Variants in CLEC12A observed in about 807,000 individuals in gnomAD.
The protein encoded by CLEC12A is C-type lectin domain family 12 member A, also known as C-type lectin protein CLL-1.
In CLEC12A, 22 loss-of-function variants were observed where a neutral mutation model predicts 26.5. The observed-to-expected ratio is 0.83, with a 90% CI of 0.59 to 1.19. CLEC12A has a LOEUF of 1.19. CLEC12A is among the 50% of genes most tolerant of loss of function. The pLI is 0.00. For synonymous variants in CLEC12A, 119 were observed against 101.9 expected (o/e 1.17, Z -1.01); for missense variants, 353 against 315.6 (o/e 1.12, Z -0.90).
chr12:9,998,025 C>T (rs1865093494), downstream of CLEC12A, among the ~76,000 whole-genome samples: 3 of 152,158 alleles, frequency 2.0e-5, no homozygotes, highest in Admixed American at 2.0e-4. Context: ...TTTGGATCCA[C>T]ACTGAGGAGG....
exon 5 of CLEC12A, chr12:9,995,453 T>C (rs995879887): frequency 1.9e-6 from 1 of 513,274 alleles, no homozygotes; most frequent in African/African-American, 1.9e-5. Flanking sequence ...GGTAAAATTG[T>C]ACACAAAATA....
chr12:10,000,764 G>C, the CLEC12A span, among the ~76,000 whole-genome samples: 140 of 152,262 alleles, frequency 9.2e-4, no homozygotes, highest in Non-Finnish European at 1.6e-3. Flanking sequence ...ATTGGGGTTG[G>C]AATGGGGTTT....
chr12:9,984,055 G>A (rs2137205873), intron 5 of CLEC12A: 1 of 296,904 alleles, frequency 3.4e-6, no homozygotes, highest in Non-Finnish European at 6.7e-6. Flanking sequence ...GATATTTTCA[G>A]TTATCAAAAA....
intron 5 of CLEC12A, chr12:9,984,319 T>C (rs971312140): frequency 7.9e-5 from 12 of 152,388 alleles, no homozygotes; most frequent in African/African-American, 2.9e-4. Context: ...AAAGGTAATA[T>C]TTTTAATTTA....
chr12:9,996,865 A>G (rs377295548), downstream of CLEC12A: 44 of 1,614,090 alleles, frequency 2.7e-5, no homozygotes, highest in African/African-American at 4.3e-4. Context: ...CCGGTTGTCA[A>G]TCTTCAGGAG....
At chr12:9,986,963 A>C (rs1189275103), downstream of CLEC12A, among the ~76,000 whole-genome samples, 1 of 152,234 alleles carries the variant, frequency 6.6e-6, no homozygotes, top group Non-Finnish European at 1.5e-5. Context: ...CTTTTATTTT[A>C]AAAGATGCTT....
In CLEC12A at chr12:9,979,033, G is replaced by A. The variant is rs1373182176; in HGVS notation, c.159G>A (p.Leu53=). The change falls in exon 2 of 6, where the codon TTG becomes TTA. Residue 53 remains leucine (L), a synonymous_variant. Coordinates refer to ENST00000304361, the MANE Select transcript of CLEC12A (RefSeq NM_138337.6). ...ALFLTLLCLL[L]LIGLGVLASM... Reference sequence around the variant, plus strand: ...TTCTGACTCTTCTGTGCCTTCTGTTGCTCATTGGATTGGGAGTCTTGGCAA... The same window carrying A: ...TTCTGACTCTTCTGTGCCTTCTGTTACTCATTGGATTGGGAGTCTTGGCAA... 1 of 1,613,744 alleles carries A rather than the reference G, an allele frequency of 6.2e-7. No homozygotes were observed. Among genetic ancestry groups the A allele is most frequent in the East Asian group, 2.2e-5 (1 of 44,886 alleles).
intron 4 of CLEC12A, chr12:9,993,198 T>A: frequency 1.2e-6 from 2 of 1,612,900 alleles, no homozygotes; most frequent in Non-Finnish European, 1.7e-6. Context: ...CATTAAATAA[T>A]GTTTGTTCTC....
At position 9,982,018 on chromosome 12, in the gene CLEC12A, A is replaced by C; in HGVS notation, c.532-2A>C. 6.3e-6 allele frequency: 9 copies of C among 1,418,112 alleles called. No individual in the cohort carries two copies. Among genetic ancestry groups the C allele is most frequent in the Non-Finnish European group, 7.9e-6 (8 of 1,007,016 alleles). 87.8% of individuals were successfully genotyped at this position (1,418,112 alleles called of 1,614,324 possible). A position where few individuals can be genotyped will look rare whatever the true frequency, so the allele number is the denominator to read the frequency against. On this transcript the variant is annotated splice_acceptor_variant, in intron 4 of 5. Transcript: ENST00000304361. LOFTEE classifies it high-confidence loss of function. ...TAAACAGACTATCTGTATTTCCTGT[A>C]GGAATTTATAAAATCCCAGAGTAGA... is the stretch of plus-strand genomic sequence containing the variant.
At position 9,978,759 on chromosome 12, in the gene CLEC12A, A is replaced by T. The variant is rs551601908; in HGVS notation, c.92-207A>T. On this transcript the variant is annotated intron_variant, in intron 1 of 5. Transcript: ENST00000304361. The stretch of plus-strand genomic sequence containing the variant: ...GCTTCTCCTGCCAGAATCAATTTAC[A>T]TACAAAACAATTAAGTGATTTTGAT... Among the ~76,000 whole-genome samples, 8 of 152,336 alleles carry T rather than the reference A, an allele frequency of 5.3e-5. No individual in the cohort carries two copies. The South Asian group carries it at 1.7e-3, about 32-fold the overall frequency.
At chr12:9,957,242 A>C (rs4763395) in intron 1 of CLEC12A, among the ~76,000 whole-genome samples, 94,354 of 151,842 alleles carry the variant, frequency 0.62, 29,457 homozygotes, top group Admixed American at 0.67. Context: ...AATCCCAGTA[A>C]TTTGGGAGGC....
At chr12:9,968,950 A>G (rs1211128457), upstream of CLEC12A, among the ~76,000 whole-genome samples, 1 of 152,216 alleles carries the variant, frequency 6.6e-6, no homozygotes, top group Non-Finnish European at 1.5e-5. Flanking sequence ...ATTTGCAGAA[A>G]CAGGAGTGGA....
chr12:9,993,130 C>G (rs1439336582), intron 4 of CLEC12A: 1 of 1,605,020 alleles, frequency 6.2e-7, no homozygotes, highest in Non-Finnish European at 8.5e-7. Context: ...GTTATCCTGT[C>G]CACCTCTTTG....
At chr12:9,996,801 T>G, downstream of CLEC12A, 1 of 1,605,926 alleles carries the variant, frequency 6.2e-7, no homozygotes, top group Non-Finnish European at 8.5e-7. Flanking sequence ...CATTTGAGGT[T>G]TCTCTTCCTT....
At chr12:9,953,593 T>G (rs1863684762) in intron 1 of CLEC12A, among the ~76,000 whole-genome samples, 1 of 141,788 alleles carries the variant, frequency 7.1e-6, no homozygotes, top group Non-Finnish European at 1.5e-5. Flanking sequence ...GGTGGGGGGG[T>G]CAGCCCCCTG....
At chr12:9,954,181 T>C (rs1285730962) in intron 1 of CLEC12A, among the ~76,000 whole-genome samples, 1 of 123,506 alleles carries the variant, frequency 8.1e-6, no homozygotes, top group African/African-American at 3.3e-5. Context: ...ATCCCCTCTG[T>C]GAGAAACACC....
intron 1 of CLEC12A, among the ~76,000 whole-genome samples, chr12:9,978,064 G>A (rs956019794): frequency 1.3e-5 from 2 of 152,068 alleles, no homozygotes; most frequent in African/African-American, 4.8e-5. Context: ...CTATTTATTA[G>A]TAATTGTCTC....
At chr12:9,964,858 G>C (rs1190794337) in intron 1 of CLEC12A, among the ~76,000 whole-genome samples, 1 of 152,024 alleles carries the variant, frequency 6.6e-6, no homozygotes, top group Non-Finnish European at 1.5e-5. Context: ...CACGAAAGAA[G>C]GAAATATGAG....
upstream of CLEC12A, among the ~76,000 whole-genome samples, chr12:9,970,353 G>C (rs1864084042): frequency 6.6e-6 from 1 of 151,736 alleles, no homozygotes; most frequent in Non-Finnish European, 1.5e-5. Context: ...TGTTTTTCCT[G>C]TCTATCCTGA....
Sources: gnomAD v4.1 joint callset for allele counts (sites outside exome capture counted in the v4.1 genomes callset) on GRCh38, gnomAD v4.1.1 for gene constraint, MANE v1.5 for transcripts, NCBI Gene and HGNC (gene_info 2026-07-23, HGNC 2026-07-21) for gene names.